The following SLC4A3 variants were observed in gnomAD, a reference collection of about 807,000 sequenced individuals.
SLC4A3 encodes the protein solute carrier family 4 member 3.
In SLC4A3, 47 loss-of-function variants were observed where a neutral mutation model predicts 114.2. The ratio of observed to expected loss-of-function variants is 0.41; its 90% CI spans 0.33 to 0.52. The LOEUF (loss-of-function observed/expected upper bound fraction) is 0.52, where lower values mean the gene tolerates loss of function less well. Among genes scored for constraint, SLC4A3 ranks in the 20% least tolerant of loss-of-function variants. SLC4A3 has a pLI of 0.21. For synonymous variants in SLC4A3, 693 were observed against 710.3 expected (o/e 0.98, Z 0.39); for missense variants, 1,312 against 1,668.3 (o/e 0.79, Z 3.72).
Position 219,631,466 on chromosome 2 carries a change from G to T in SLC4A3, c.812-502G>T. 1.5e-6 allele frequency: 2 copies of T among 1,302,620 alleles called. No homozygotes were observed. The highest frequency in any genetic ancestry group is 2.0e-6 in the Non-Finnish European group (2 of 987,660). The allele number at this position is 1,302,620 out of a possible 1,614,324, so 80.7% of individuals were successfully genotyped here. On this transcript the variant is annotated intron_variant, in intron 6 of 22. Transcript: ENST00000358055. This position sits in a 1 kb window ranked among gnomAD's most constrained non-coding sequence, Gnocchi z 6.3. ...CAGGGCCACCAACTTGTGAGTAACGGGGCTGCTGGCCTTTCCCCGACTGCT... is the reference window on the plus strand; with the variant it reads ...CAGGGCCACCAACTTGTGAGTAACGTGGCTGCTGGCCTTTCCCCGACTGCT...
In SLC4A3 at chr2:219,629,255, G is replaced by A. The variant is rs770077259; in HGVS notation, c.329G>A (p.Arg110Lys). Residue 110 changes from arginine (R) to lysine (K), a missense_variant, in exon 4 of 23, where the codon AGG becomes AAG. By Grantham distance (26) the Arg-to-Lys change is conservative (BLOSUM62 2). Coordinates refer to ENST00000358055, the MANE Select transcript of SLC4A3 (RefSeq NM_005070.4). ...TCTGCCCGGCACACCAGGAGAAAGA[G>A]GAAGAAGGAGAAAACCTCTGCTCCT... ...PTSARHTRRK[R>K]KKEKTSAPPS... 1.2e-6 allele frequency: 2 copies of A among 1,613,816 alleles called. No individual in the cohort carries two copies. The highest frequency in any genetic ancestry group is 1.7e-6 in the Non-Finnish European group (2 of 1,179,980).
chr2:219,632,883 T>C lies in SLC4A3; in HGVS notation c.1151T>C (p.Leu384Pro). 1 of 1,614,170 alleles carries C rather than the reference T, an allele frequency of 6.2e-7. No homozygotes were observed. The highest frequency in any genetic ancestry group is 8.5e-7 in the Non-Finnish European group (1 of 1,180,022). Residue 384 changes from leucine (L) to proline (P), a missense_variant, in exon 9 of 23, where the codon CTC becomes CCC. Physicochemically the swap from Leu to Pro is moderately conservative, Grantham distance 98. Around this residue, in one of 4 missense-constraint regions of SLC4A3, gnomAD observed 771 missense variants for 977.7 expected, o/e 0.79. Coordinates refer to ENST00000358055, the MANE Select transcript of SLC4A3 (RefSeq NM_005070.4). ...LRRTIAHGAALLDLEQTTLPG... is the reference protein window; with the variant it reads ...LRRTIAHGAAPLDLEQTTLPG... ...CTGACTGTCCCCCTAGGAGCTGCCC[T>C]CCTGGACCTGGAGCAAACCACCCTG...
intron 10 of SLC4A3, 172 bp from the exon 11 acceptor site, chr2:219,633,708 G>A (rs902347418): frequency 6.7e-6 from 7 of 1,049,352 alleles, no homozygotes; most frequent in Middle Eastern, 3.1e-4. Flanking sequence ...TGGGGACATC[G>A]AGGCAGGGTC....
In SLC4A3 at chr2:219,635,831, G is replaced by T; in HGVS notation, c.2131G>T (p.Ala711Ser). ...TGCGCTGCACTCCCAGTGTGTGGCC[G>T]CTGTGCTCTTCATCTACTTCGCAGC... ...RDALHSQCVA[A>S]VLFIYFAALS... is the part of the protein sequence containing the mutation. Residue 711 changes from alanine to serine, a missense_variant, in exon 14 of 23, where the codon GCT becomes TCT. Transcript: ENST00000358055. 1 of 1,585,180 alleles carries T rather than the reference G, an allele frequency of 6.3e-7. No homozygotes were observed. Among genetic ancestry groups the T allele is most frequent in the Admixed American group, 1.8e-5 (1 of 54,636 alleles).
rs1256375912 is a variant in SLC4A3 at position 219,635,397 on chromosome 2, G to C, written c.1873G>C (p.Val625Leu). ...GGAGGGCCGTGACCTGCTGCGCTCC[G>C]TGGCTGCTTTCCAGCGAGAGCTGCT... ...EVEGRDLLRS[V>L]AAFQRELLRK... The change falls in exon 13 of 23, where the codon GTG becomes CTG. Residue 625 changes from valine to leucine, a missense_variant. This residue lies in a region of SLC4A3 where 771 missense variants were observed against 977.7 expected (regional missense o/e 0.79). Coordinates refer to ENST00000358055, the MANE Select transcript of SLC4A3 (RefSeq NM_005070.4). 1.2e-6 allele frequency: 2 copies of C among 1,614,160 alleles called. No homozygotes were observed. The highest frequency in any genetic ancestry group is 1.7e-6 in the Non-Finnish European group (2 of 1,180,026).
Position 219,628,096 on chromosome 2 carries a change from C to T in SLC4A3, c.51+53C>T, listed in dbSNP as rs902285802. 205 of 1,415,640 alleles carry T rather than the reference C, an allele frequency of 1.4e-4. No homozygotes were observed. Among genetic ancestry groups the T allele is most frequent in the Admixed American group, 1.5e-4 (6 of 40,358 alleles). 87.7% of individuals were successfully genotyped at this position (1,415,640 alleles called of 1,614,324 possible). A position where few individuals can be genotyped will look rare whatever the true frequency, so the allele number is the denominator to read the frequency against. ...GAGATGGGGGAGGAGAGGGGAGGGA[C>T]CTTAGGGTGGGCAGAGGAGTCCTCT... On this transcript the variant is annotated intron_variant, in intron 2 of 22. Transcript: ENST00000358055. This position sits in a 1 kb window ranked among gnomAD's most constrained non-coding sequence, Gnocchi z 4.8.
In SLC4A3 at chr2:219,630,944, A is replaced by C; in HGVS notation, c.811+592A>C. 1.2e-5 allele frequency: 2 copies of C among 168,498 alleles called. No homozygotes were observed. The highest frequency in any genetic ancestry group is 2.4e-5 in the Non-Finnish European group (2 of 84,416). 10.4% of individuals were successfully genotyped at this position (168,498 alleles called of 1,614,324 possible). On this transcript the variant is annotated intron_variant, in intron 6 of 22. Transcript: ENST00000358055. This position sits in a 1 kb window ranked among gnomAD's most constrained non-coding sequence, Gnocchi z 6.9. ...GTGTGGGTGGGGTGGGGGGAAGGGT[A>C]GGGCTTTGAGCTCAATACGTCATGG...
Position 219,641,707 on chromosome 2 carries a change from T to C in SLC4A3, c.3678T>C (p.Asn1226=), listed in dbSNP as rs1305575513. 4.4e-5 allele frequency: 71 copies of C among 1,612,358 alleles called. No individual in the cohort carries two copies. The highest frequency in any genetic ancestry group is 5.9e-5 in the Non-Finnish European group (69 of 1,178,514). Residue 1226 remains asparagine, a synonymous_variant, in exon 23 of 23, where the codon AAT becomes AAC. Transcript: ENST00000358055. This position sits in a 1 kb window ranked among gnomAD's most constrained non-coding sequence, Gnocchi z 4.0. ...ATGAGGATGGCCAGGATGAGTACAATGAGCTGCACATGCCAGTGTGACCCT... is the reference window on the plus strand; with the variant it reads ...ATGAGGATGGCCAGGATGAGTACAACGAGCTGCACATGCCAGTGTGACCCT... ...NFDEDGQDEY[N]ELHMPV is the part of the protein sequence containing the mutation.
chr2:219,633,114 A>G lies in SLC4A3; in HGVS notation c.1277+105A>G. 3 of 1,443,234 alleles carry G rather than the reference A, an allele frequency of 2.1e-6. No homozygotes were observed. The South Asian group carries it at 3.8e-5, about 18-fold the overall frequency. The allele number at this position is 1,443,234 out of a possible 1,614,324, so 89.4% of individuals were successfully genotyped here. On this transcript the variant is annotated intron_variant, in intron 9 of 22. Transcript: ENST00000358055. The stretch of plus-strand genomic sequence containing the variant: ...AGCCTCTGCTTGAATGCCACAAGTG[A>G]CAGAGAGCTCATTTCTATCTTTTGA...
At position 219,638,284 on chromosome 2, in the gene SLC4A3, G is replaced by A. The variant is rs1306891614; in HGVS notation, c.2856+31G>A. On this transcript the variant is annotated intron_variant, in intron 18 of 22. Transcript: ENST00000358055. This position sits in a 1 kb window ranked among gnomAD's most constrained non-coding sequence, Gnocchi z 7.5. ...GGAGCCCCAGCCTGTGGCAGCTGCT[G>A]TCACCCCCAGGCCAGGAGAGGGAGC... is the stretch of plus-strand genomic sequence containing the variant. 6.6e-7 allele frequency: 1 copy of A among 1,520,622 alleles called. No homozygotes were observed. Among genetic ancestry groups the A allele is most frequent in the Non-Finnish European group, 9.1e-7 (1 of 1,100,594 alleles). 94.2% of individuals were successfully genotyped at this position (1,520,622 alleles called of 1,614,324 possible).
chr2:219,641,730 C>T lies in SLC4A3; in HGVS notation c.*2C>T, dbSNP rs1273932318. 1.2e-6 allele frequency: 2 copies of T among 1,612,804 alleles called. No homozygotes were observed. Among genetic ancestry groups the T allele is most frequent in the African/African-American group, 2.7e-5 (2 of 74,868 alleles). On this transcript the variant is annotated 3_prime_UTR_variant, in exon 23 of 23. Transcript: ENST00000358055. This position sits in a 1 kb window ranked among gnomAD's most constrained non-coding sequence, Gnocchi z 4.0. ...AATGAGCTGCACATGCCAGTGTGAC[C>T]CTTGAAGACAGTGCCCCTCAGAGAC...
rs1698941400 is a variant in SLC4A3 at position 219,632,043 on chromosome 2, G to A, written c.887G>A (p.Gly296Asp). The A allele has an allele frequency of 6.2e-7, 1 of 1,613,908 alleles. No individual in the cohort carries two copies. The highest frequency in any genetic ancestry group is 8.5e-7 in the Non-Finnish European group (1 of 1,179,956). ...KKPSRTQGGR[G>D]SPSGLAPILR... ...CCCTCCCGGACGCAGGGCGGGAGGG[G>A]CAGTCCCAGCGGCCTGGCCCCCATC... Residue 296 changes from glycine (G) to aspartate (D), a missense_variant, in exon 7 of 23, where the codon GGC becomes GAC. Physicochemically the swap from Gly to Asp is moderately conservative, Grantham distance 94. This residue lies in a region of SLC4A3 where 771 missense variants were observed against 977.7 expected (regional missense o/e 0.79). Transcript: ENST00000358055.
Position 219,637,899 on chromosome 2 carries a change from C to G in SLC4A3, c.2766+88C>G. ...AGAGAGGCTGCACCCCTTCCCCGGT[C>G]AGCCCATGGACCAAAACCCAGCTCG... is the stretch of plus-strand genomic sequence containing the variant. On this transcript the variant is annotated intron_variant, in intron 17 of 22. Transcript: ENST00000358055. This position sits in a 1 kb window ranked among gnomAD's most constrained non-coding sequence, Gnocchi z 4.6. 1 of 1,128,960 alleles carries G rather than the reference C, an allele frequency of 8.9e-7. No individual in the cohort carries two copies. The highest frequency in any genetic ancestry group is 1.3e-6 in the Non-Finnish European group (1 of 756,478). 69.9% of individuals were successfully genotyped at this position (1,128,960 alleles called of 1,614,324 possible). A position where few individuals can be genotyped will look rare whatever the true frequency, so the allele number is the denominator to read the frequency against.
chr2:219,637,691 C>T lies in SLC4A3; in HGVS notation c.2646C>T (p.Gly882=), dbSNP rs548755718. The T allele has an allele frequency of 1.9e-6, 3 of 1,606,222 alleles. No homozygotes were observed. The highest frequency in any genetic ancestry group is 2.2e-5 in the East Asian group (1 of 44,812). The change falls in exon 17 of 23, where the codon GGC becomes GGT. Residue 882 remains glycine (G), a synonymous_variant. Transcript: ENST00000358055. The surrounding 1 kb of genome is among the most constrained non-coding windows in gnomAD (Gnocchi z 4.6). Reference sequence around the variant, plus strand: ...GCAGTGCCCTGCCCCCCACCGAGGGCCCCCCCAGCCCGAGGAACCAGCCCA... The same window carrying T: ...GCAGTGCCCTGCCCCCCACCGAGGGTCCCCCCAGCCCGAGGAACCAGCCCA... ...PNGSALPPTE[G]PPSPRNQPNT...
In SLC4A3 at chr2:219,627,911, A is replaced by T; in HGVS notation, c.-82A>T. 8.6e-7 allele frequency: 1 copy of T among 1,166,966 alleles called. No homozygotes were observed. The highest frequency in any genetic ancestry group is 1.2e-6 in the Non-Finnish European group (1 of 807,100). The allele number at this position is 1,166,966 out of a possible 1,614,324, so 72.3% of individuals were successfully genotyped here. On this transcript the variant is annotated 5_prime_UTR_variant, in exon 2 of 23. Coordinates refer to ENST00000358055, the MANE Select transcript of SLC4A3 (RefSeq NM_005070.4). ...CCCTCCTCCCCCAGGGCTCCCCGCT[A>T]GGCCCCCTCAGTGGCCCCTCCTTCT...
At position 219,636,910 on chromosome 2, in the gene SLC4A3, T is replaced by C. The variant is rs1362556740; in HGVS notation, c.2535+36T>C. The C allele has an allele frequency of 1.9e-6, 3 of 1,559,500 alleles. No individual in the cohort carries two copies. Among genetic ancestry groups the C allele is most frequent in the South Asian group, 2.3e-5 (2 of 87,696 alleles). ...AGCGAGGTCTTGGGGGTGGCAGAGA[T>C]GGAGGTGGACATTGCCCTGGGGAGG... On this transcript the variant is annotated intron_variant, in intron 16 of 22. Coordinates refer to ENST00000358055, the MANE Select transcript of SLC4A3 (RefSeq NM_005070.4). This position sits in a 1 kb window ranked among gnomAD's most constrained non-coding sequence, Gnocchi z 5.5.
rs760477541 is a variant in SLC4A3 at position 219,630,098 on chromosome 2, A to G, written c.612-55A>G. The G allele has an allele frequency of 1.3e-6, 2 of 1,599,524 alleles. No homozygotes were observed. The highest frequency in any genetic ancestry group is 2.7e-5 in the African/African-American group (2 of 74,596). On this transcript the variant is annotated intron_variant, in intron 5 of 22. Transcript: ENST00000358055. This position sits in a 1 kb window ranked among gnomAD's most constrained non-coding sequence, Gnocchi z 6.9. Reference sequence around the variant, plus strand: ...CCGTGCTCTGAGCTGAGGGACGGTGATGGAACCACCGACCTGGCCCTGTCA... The same window carrying G: ...CCGTGCTCTGAGCTGAGGGACGGTGGTGGAACCACCGACCTGGCCCTGTCA...
rs113725667 is a variant in SLC4A3, at chr2:219,636,342, C to T, written c.2232C>T (p.Ile744=). ...GGCTGATGGGCGTGTCCGAGCTGAT[C>T]GTGTCCACCGCTGTGCTCGGCGTCC... ...TEGLMGVSEL[I]VSTAVLGVLF... Residue 744 remains isoleucine (I), a synonymous_variant, in exon 15 of 23, where the codon ATC becomes ATT. Coordinates refer to ENST00000358055, the MANE Select transcript of SLC4A3 (RefSeq NM_005070.4). The surrounding 1 kb of genome is among the most constrained non-coding windows in gnomAD (Gnocchi z 5.5). 760 of 1,613,662 alleles carry T rather than the reference C, an allele frequency of 4.7e-4. No individual in the cohort carries two copies. Among genetic ancestry groups the T allele is most frequent in the Non-Finnish European group, 6.2e-4 (726 of 1,179,934 alleles).
Position 219,627,909 on chromosome 2 carries a change from C to G in SLC4A3, c.-84C>G. The G allele has an allele frequency of 8.5e-7, 1 of 1,176,142 alleles. No homozygotes were observed. Among genetic ancestry groups the G allele is most frequent in the Non-Finnish European group, 1.2e-6 (1 of 815,388 alleles). 72.9% of individuals were successfully genotyped at this position (1,176,142 alleles called of 1,614,324 possible). On this transcript the variant is annotated 5_prime_UTR_variant, in exon 2 of 23. Coordinates refer to ENST00000358055, the MANE Select transcript of SLC4A3 (RefSeq NM_005070.4). ...CGCCCTCCTCCCCCAGGGCTCCCCG[C>G]TAGGCCCCCTCAGTGGCCCCTCCTT... is the stretch of plus-strand genomic sequence containing the variant.
Sources: allele counts gnomAD v4.1 joint callset, GRCh38; gene constraint gnomAD v4.1.1; regional missense constraint gnomAD v4.1.1; non-coding constraint Gnocchi (gnomAD v3.1); transcripts MANE v1.5; gene names NCBI Gene and HGNC (gene_info 2026-07-23, HGNC 2026-07-21).